The following ADGRL1 variants were observed in gnomAD, a reference collection of about 807,000 sequenced individuals.
ADGRL1 encodes the protein adhesion G protein-coupled receptor L1, also known as CIRL-1.
A neutral mutation model predicts 148.9 loss-of-function variants in ADGRL1; 31 were observed. The ratio of observed to expected loss-of-function variants is 0.21; its 90% CI spans 0.16 to 0.28. The LOEUF (loss-of-function observed/expected upper bound fraction) is 0.28, where lower values mean the gene tolerates loss of function less well. ADGRL1 is among the 10% of genes least tolerant of loss of function. The pLI, the probability that ADGRL1 is intolerant of heterozygous loss-of-function variation, is 1.00. For synonymous variants in ADGRL1, 937 were observed against 900.3 expected (o/e 1.04, Z -0.73); for missense variants, 1,521 against 2,058.8 (o/e 0.74, Z 5.05).
chr19:14,151,226 G>T lies in ADGRL1; in HGVS notation c.4057C>A (p.Leu1353Met). 1 of 1,612,030 alleles carries T rather than the reference G, an allele frequency of 6.2e-7. No individual in the cohort carries two copies. The highest frequency in any genetic ancestry group is 1.1e-5 in the South Asian group (1 of 91,080). Residue 1353 changes from leucine (L) to methionine (M), a missense_variant, in exon 23 of 23, where the codon CTG (leucine) becomes ATG (methionine). By Grantham distance (15) the Leu-to-Met change is conservative. Around this residue, in one of 8 missense-constraint regions of ADGRL1, gnomAD observed 390 missense variants for 375.0 expected, o/e 1.04. Coordinates refer to ENST00000361434, the MANE Select transcript of ADGRL1 (RefSeq NM_014921.5). ...RAQSVLYQSDLDESESCTAED... is the reference protein window; with the variant it reads ...RAQSVLYQSDMDESESCTAED... ...GCCGTGCAGCTCTCCGACTCGTCCA[G>T]ATCGCTCTGGTACAGCACCGACTGG...
intron 2 of ADGRL1, among the ~76,000 whole-genome samples, chr19:14,182,058 G>A (rs1000563997): frequency 1.3e-5 from 2 of 152,122 alleles, no homozygotes; most frequent in African/African-American, 4.8e-5. Context: ...CAGACAGATG[G>A]CTGGGGTTGG....
intron 1 of ADGRL1, among the ~76,000 whole-genome samples, chr19:14,186,809 T>A (rs2043824557): frequency 6.6e-6 from 1 of 152,024 alleles, no homozygotes; most frequent in Non-Finnish European, 1.5e-5. Context: ...CATTCAACAT[T>A]CCAGTTCCAG....
At position 14,160,536 on chromosome 19, in the gene ADGRL1, G is replaced by A; in HGVS notation, c.1614+57C>T. ...CCAGCTGCTCCACGACCCCCGCTGG[G>A]CCCTGGGCCCTGGGCCCGAGCACAT... On this transcript the variant is annotated intron_variant, in intron 7 of 22. Coordinates refer to ENST00000361434, the MANE Select transcript of ADGRL1 (RefSeq NM_014921.5). The surrounding 1 kb of genome is among the most constrained non-coding windows in gnomAD (Gnocchi z 5.9). The A allele has an allele frequency of 3.1e-6, 4 of 1,305,742 alleles. No homozygotes were observed. The highest frequency in any genetic ancestry group is 4.2e-6 in the Non-Finnish European group (4 of 944,042). The allele number at this position is 1,305,742 out of a possible 1,614,324, so 80.9% of individuals were successfully genotyped here. A position where few individuals can be genotyped will look rare whatever the true frequency, so the allele number is the denominator to read the frequency against.
intron 16 of ADGRL1, 123 bp downstream of exon 16, chr19:14,156,535 T>A: frequency 1.6e-6 from 1 of 638,914 alleles, no homozygotes; most frequent in Non-Finnish European, 2.5e-6. Context: ...TCAGTTCCGA[T>A]GTGTGGAGAG....
chr19:14,160,511 C>A lies in ADGRL1; in HGVS notation c.1614+82G>T. 9.1e-7 allele frequency: 1 copy of A among 1,103,420 alleles called. No individual in the cohort carries two copies. The allele number at this position is 1,103,420 out of a possible 1,614,324, so 68.4% of individuals were successfully genotyped here. A position where few individuals can be genotyped will look rare whatever the true frequency, so the allele number is the denominator to read the frequency against. Reference sequence around the variant, plus strand: ...TCCAGACCTGCCAGCCCATGTCTCCCCAGCTGCTCCACGACCCCCGCTGGG... The same window carrying A: ...TCCAGACCTGCCAGCCCATGTCTCCACAGCTGCTCCACGACCCCCGCTGGG... On this transcript the variant is annotated intron_variant, in intron 7 of 22. Coordinates refer to ENST00000361434, the MANE Select transcript of ADGRL1 (RefSeq NM_014921.5). The surrounding 1 kb of genome is among the most constrained non-coding windows in gnomAD (Gnocchi z 5.9).
chr19:14,203,080 C>T (rs1430187567), intron 1 of ADGRL1, among the ~76,000 whole-genome samples: 2 of 152,148 alleles, frequency 1.3e-5, no homozygotes, highest in Non-Finnish European at 2.9e-5. Flanking sequence ...CAATAGCAAC[C>T]ACTTTGCCCC....
In ADGRL1 at chr19:14,157,386, C is replaced by T. The variant is rs1968875634; in HGVS notation, c.2610G>A (p.Leu870=). 1 of 1,614,168 alleles carries T rather than the reference C, an allele frequency of 6.2e-7. No individual in the cohort carries two copies. Among genetic ancestry groups the T allele is most frequent in the Non-Finnish European group, 8.5e-7 (1 of 1,180,018 alleles). Residue 870 remains leucine (L), a synonymous_variant, in exon 14 of 23, where the codon TTG becomes TTA. Transcript: ENST00000361434. This position sits in a 1 kb window ranked among gnomAD's most constrained non-coding sequence, Gnocchi z 7.5. ...AGCAGAAGGTGGAGATGCAGATGGC[C>T]AAGCAGACCAGGGAGATCACAATGC... The part of the protein sequence containing the change: ...WVGIVISLVC[L]AICISTFCFL...
At chr19:14,163,718 T>A (rs1969676696) in intron 4 of ADGRL1, among the ~76,000 whole-genome samples, 1 of 152,028 alleles carries the variant, frequency 6.6e-6, no homozygotes, top group African/African-American at 2.4e-5. Flanking sequence ...GGTGCCCCTC[T>A]TCCCTTCCCT....
chr19:14,153,448 C>G (rs1968417334), intron 18 of ADGRL1, among the ~76,000 whole-genome samples: 2 of 130,096 alleles, frequency 1.5e-5, no homozygotes, highest in South Asian at 4.7e-4. Context: ...TGGAATCTTG[C>G]ACTGTCACTC....
At chr19:14,151,681 G>C in intron 22 of ADGRL1, 66 bp from the exon 23 acceptor site, 4 of 1,450,874 alleles carry the variant, frequency 2.8e-6, no homozygotes, top group Non-Finnish European at 3.7e-6. Flanking sequence ...GACAGTGAGG[G>C]GGTGCGGTCC....
Position 14,162,793 on chromosome 19 carries a change from G to A in ADGRL1, c.1008C>T (p.Gly336=). The part of the protein sequence containing the change: ...VYVDDDSEAA[G]NRVDYAFNTN... ...TGTTGAAGGCATAGTCCACGCGGTT[G>A]CCAGCCGCCTCGCTGTCATCATCCA... The change falls in exon 5 of 23, where the codon GGC becomes GGT. Residue 336 remains glycine (G), a synonymous_variant. Coordinates refer to ENST00000361434, the MANE Select transcript of ADGRL1 (RefSeq NM_014921.5). This position sits in a 1 kb window ranked among gnomAD's most constrained non-coding sequence, Gnocchi z 5.4. 1 of 1,614,188 alleles carries A rather than the reference G, an allele frequency of 6.2e-7. No homozygotes were observed. Among genetic ancestry groups the A allele is most frequent in the Non-Finnish European group, 8.5e-7 (1 of 1,180,034 alleles).
At chr19:14,204,737 A>AGG (rs1043101810) in intron 1 of ADGRL1, among the ~76,000 whole-genome samples, 1 of 150,316 alleles carries the variant, frequency 6.7e-6, no homozygotes, top group African/African-American at 2.5e-5. Context: ...AGAGAGAGAG[A>AGG]GAGACAGACA....
In ADGRL1 at chr19:14,161,262, G is replaced by C. The variant is rs768420595; in HGVS notation, c.1510+50C>G. 2.7e-6 allele frequency: 4 copies of C among 1,486,312 alleles called. No homozygotes were observed. Among genetic ancestry groups the C allele is most frequent in the Non-Finnish European group, 3.6e-6 (4 of 1,121,154 alleles). 92.1% of individuals were successfully genotyped at this position (1,486,312 alleles called of 1,614,324 possible). A position where few individuals can be genotyped will look rare whatever the true frequency, so the allele number is the denominator to read the frequency against. On this transcript the variant is annotated intron_variant, in intron 6 of 22. Coordinates refer to ENST00000361434, the MANE Select transcript of ADGRL1 (RefSeq NM_014921.5). This position sits in a 1 kb window ranked among gnomAD's most constrained non-coding sequence, Gnocchi z 4.4. ...CCCACACATGCATCTGTGCTAAGCTGCTGGGGGCATGGCCCCCATCCCTCC... is the reference window on the plus strand; with the variant it reads ...CCCACACATGCATCTGTGCTAAGCTCCTGGGGGCATGGCCCCCATCCCTCC...
chr19:14,154,133 T>C (rs1308771120), intron 18 of ADGRL1, among the ~76,000 whole-genome samples: 2 of 151,932 alleles, frequency 1.3e-5, no homozygotes, highest in Non-Finnish European at 2.9e-5. Context: ...TGAAAGGACA[T>C]TGCTGCCACT....
chr19:14,164,445 GGA>G (rs1214650081), intron 4 of ADGRL1, among the ~76,000 whole-genome samples: 8 of 152,126 alleles, frequency 5.3e-5, no homozygotes, highest in Non-Finnish European at 8.8e-5. Context: ...TGCTGGCGGA[GGA>G]GAGAGGGGTG....
chr19:14,181,898 G>C (rs959120145), intron 2 of ADGRL1, among the ~76,000 whole-genome samples: 1 of 152,178 alleles, frequency 6.6e-6, no homozygotes, highest in Non-Finnish European at 1.5e-5. Flanking sequence ...GAGGGTGCCT[G>C]ATCAGTATCA....
intron 2 of ADGRL1, 112 bp from the exon 3 acceptor site, chr19:14,177,856 C>G (rs1970931909): frequency 6.9e-6 from 6 of 874,932 alleles, no homozygotes; most frequent in Non-Finnish European, 8.7e-6. Context: ...TGGAAGCCAG[C>G]TGAGGCAGCC....
In ADGRL1 at chr19:14,158,557, T is replaced by C; in HGVS notation, c.2150-5A>G. ...TGAAGACAACTTTGACCACCCCTGGTGAGAACAGGCACGTTTGGATGTGTC... is the reference window on the plus strand; with the variant it reads ...TGAAGACAACTTTGACCACCCCTGGCGAGAACAGGCACGTTTGGATGTGTC... On this transcript the variant is annotated splice_polypyrimidine_tract_variant and splice_region_variant and intron_variant, in intron 11 of 22. Transcript: ENST00000361434. The C allele has an allele frequency of 6.2e-7, 1 of 1,612,012 alleles. No homozygotes were observed. The highest frequency in any genetic ancestry group is 8.5e-7 in the Non-Finnish European group (1 of 1,178,476).
rs145546353 is a variant in ADGRL1 at position 14,159,145 on chromosome 19, C to T, written c.2094G>A (p.Pro698=). ...QELVFPQEEY[P]RKNSIQLSAK... ...CAGACAGCTGGATGGAGTTCTTTCT[C>T]GGGTACTCCTCCTGGGGGAACACCA... Residue 698 remains proline, a synonymous_variant, in exon 11 of 23, where the codon CCG becomes CCA. Coordinates refer to ENST00000361434, the MANE Select transcript of ADGRL1 (RefSeq NM_014921.5). This position sits in a 1 kb window ranked among gnomAD's most constrained non-coding sequence, Gnocchi z 6.0. The T allele has an allele frequency of 7.1e-5, 115 of 1,614,132 alleles. No individual in the cohort carries two copies. The African/African-American group carries it at 1.2e-3, about 17-fold the overall frequency.
Sources: allele counts gnomAD v4.1 joint callset (sites outside exome capture counted in the v4.1 genomes callset), GRCh38; gene constraint gnomAD v4.1.1; regional missense constraint gnomAD v4.1.1; non-coding constraint Gnocchi (gnomAD v3.1); transcripts MANE v1.5; gene names NCBI Gene and HGNC (gene_info 2026-07-23, HGNC 2026-07-21).